ARHGAP44: variants seen among roughly 807,000 people sequenced by gnomAD.
ARHGAP44 encodes Rho GTPase activating protein 44.
In ARHGAP44, 43 loss-of-function variants were observed where a neutral mutation model predicts 106.8. The observed-to-expected ratio is 0.40, with a 90% CI of 0.32 to 0.52. The LOEUF is 0.52. ARHGAP44 is among the 20% of genes least tolerant of loss of function. The pLI is 0.48. For missense variants in ARHGAP44, 866 were observed against 1,050.5 expected (o/e 0.82, Z 2.43); for synonymous variants, 439 against 410.3 (o/e 1.07, Z -0.85).
intron 3 of ARHGAP44, among the ~76,000 whole-genome samples, chr17:12,901,155 C>T (rs2037365521): frequency 6.6e-6 from 1 of 151,944 alleles, no homozygotes; most frequent in Admixed American, 6.6e-5. Context: ...AACTCCTGAC[C>T]TCAGGTGATC....
rs768179975 is a variant in ARHGAP44, at chr17:12,974,143, C to A, written c.1596C>A (p.Ala532=). Reference sequence around the variant, plus strand: ...GGGTGGCTCGAAGAGGCTCCTCGGCCGGTCGGAAAGTGTCCTGCGCCCCGC... The same window carrying A: ...GGGTGGCTCGAAGAGGCTCCTCGGCAGGTCGGAAAGTGTCCTGCGCCCCGC... The part of the protein sequence containing the change: ...TNWVARRGSS[A]GRKVSCAPPS... The change falls in exon 18 of 21, where the codon GCC becomes GCA. Residue 532 remains alanine, a synonymous_variant. Coordinates refer to ENST00000379672, the MANE Select transcript of ARHGAP44 (RefSeq NM_014859.6). The A allele has an allele frequency of 2.6e-6, 4 of 1,564,126 alleles. No individual in the cohort carries two copies. In the African/African-American group the frequency reaches 5.4e-5, roughly 21 times the overall value.
chr17:12,896,619 C>A, intron 3 of ARHGAP44, 108 bp downstream of exon 3: 1 of 946,384 alleles, frequency 1.1e-6, no homozygotes, highest in Non-Finnish European at 1.6e-6. Context: ...GCTTACGTGC[C>A]TGAGAATTGA....
At position 12,974,190 on chromosome 17, in the gene ARHGAP44, C is replaced by T. The variant is rs777677354; in HGVS notation, c.1643C>T (p.Pro548Leu). The T allele has an allele frequency of 7.1e-6, 11 of 1,549,098 alleles. No individual in the cohort carries two copies. In the East Asian group the frequency reaches 1.2e-4, roughly 17 times the overall value. Residue 548 changes from proline to leucine, a missense_variant, in exon 18 of 21, where the codon CCG becomes CTG. By Grantham distance (98) the Pro-to-Leu change is moderately conservative. This residue lies in a region of ARHGAP44 where 418 missense variants were observed against 403.6 expected (regional missense o/e 1.04). Coordinates refer to ENST00000379672, the MANE Select transcript of ARHGAP44 (RefSeq NM_014859.6). The stretch of plus-strand genomic sequence containing the variant: ...CCGCCCTCCATGCAGCCTCCCGCCC[C>T]GCCCGCCGAGCTGGCTGCGCCCCTG... ...CAPPSMQPPA[P>L]PAELAAPLPS...
chr17:12,797,897 G>T (rs1265243556), intron 1 of ARHGAP44, among the ~76,000 whole-genome samples: 6 of 151,964 alleles, frequency 3.9e-5, no homozygotes, highest in Admixed American at 3.9e-4. Context: ...TGTCCATTTT[G>T]CTCCTGTACA....
chr17:12,895,777 A>G (rs1374970402), intron 2 of ARHGAP44, among the ~76,000 whole-genome samples: 1 of 152,196 alleles, frequency 6.6e-6, no homozygotes, highest in Non-Finnish European at 1.5e-5. Flanking sequence ...ATTATAAATC[A>G]TGCTGCTATA....
intron 7 of ARHGAP44, among the ~76,000 whole-genome samples, chr17:12,933,912 G>A (rs1336226031): frequency 1.3e-5 from 2 of 148,682 alleles, no homozygotes; most frequent in Admixed American, 6.8e-5. Context: ...GTGGTGGCAC[G>A]ATCTCGGCTC....
intron 1 of ARHGAP44, among the ~76,000 whole-genome samples, chr17:12,804,597 C>T (rs1426852791): frequency 6.6e-6 from 1 of 152,218 alleles, no homozygotes; most frequent in Non-Finnish European, 1.5e-5. Flanking sequence ...GATACCCATT[C>T]TTCAAACTAG....
At chr17:12,978,863 A>G (rs2039763523) in intron 18 of ARHGAP44, among the ~76,000 whole-genome samples, 1 of 151,804 alleles carries the variant, frequency 6.6e-6, no homozygotes, top group Non-Finnish European at 1.5e-5. Context: ...TAATTTTTGC[A>G]TTTTTAGTGT....
chr17:12,807,368 G>A (rs2150773698), intron 1 of ARHGAP44, among the ~76,000 whole-genome samples: 1 of 152,242 alleles, frequency 6.6e-6, no homozygotes, highest in South Asian at 2.1e-4. Flanking sequence ...AGATGTAGAG[G>A]ATGTATTTGT....
intron 1 of ARHGAP44, among the ~76,000 whole-genome samples, chr17:12,867,472 G>A (rs1024159745): frequency 6.6e-6 from 1 of 152,120 alleles, no homozygotes; most frequent in African/African-American, 2.4e-5. Context: ...AGGAAGCGGG[G>A]CAGGCTTCCC....
chr17:12,946,001 C>A (rs1243665248), intron 10 of ARHGAP44, among the ~76,000 whole-genome samples: 2 of 152,068 alleles, frequency 1.3e-5, no homozygotes, highest in Non-Finnish European at 2.9e-5. Context: ...TCAGGTAATC[C>A]GTCCACCTCG....
At chr17:12,886,084 T>G (rs891358358) in intron 1 of ARHGAP44, among the ~76,000 whole-genome samples, 8 of 152,196 alleles carry the variant, frequency 5.3e-5, no homozygotes, top group Admixed American at 3.3e-4. Context: ...CTGTAGCAAT[T>G]TGTTAGACTA....
Position 12,974,112 on chromosome 17 carries a change from C to G in ARHGAP44, c.1565C>G (p.Thr522Arg). Residue 522 changes from threonine (T) to arginine (R), a missense_variant, in exon 18 of 21, where the codon ACA becomes AGA. Coordinates refer to ENST00000379672, the MANE Select transcript of ARHGAP44 (RefSeq NM_014859.6). ...IQSMGVRVMD[T>R]NWVARRGSSA... ...AGCATGGGTGTGAGGGTCATGGACA[C>G]AAACTGGGTGGCTCGAAGAGGCTCC... 6.4e-7 allele frequency: 1 copy of G among 1,571,628 alleles called. No homozygotes were observed. Among genetic ancestry groups the G allele is most frequent in the South Asian group, 1.2e-5 (1 of 85,418 alleles).
intron 1 of ARHGAP44, among the ~76,000 whole-genome samples, chr17:12,868,591 T>TTATATATACATA (rs2036306023): frequency 2.1e-5 from 1 of 47,142 alleles, no homozygotes; most frequent in African/African-American, 6.5e-5. Context: ...TATATGCATT[T>TTATATATACATA]TATATATATA....
At chr17:12,931,042 T>C (rs1214330457) in intron 7 of ARHGAP44, among the ~76,000 whole-genome samples, 1 of 152,184 alleles carries the variant, frequency 6.6e-6, no homozygotes, top group Non-Finnish European at 1.5e-5. Context: ...TTTTTCTAGT[T>C]ATTTATATGT....
intron 16 of ARHGAP44, among the ~76,000 whole-genome samples, chr17:12,964,133 TTA>T (rs2143234131): frequency 6.6e-6 from 1 of 152,304 alleles, no homozygotes; most frequent in African/African-American, 2.4e-5. Context: ...TGGGTGCAGA[TTA>T]TGTTTTTAGT....
chr17:12,859,406 A>G (rs1374043021), intron 1 of ARHGAP44, among the ~76,000 whole-genome samples: 1 of 152,242 alleles, frequency 6.6e-6, no homozygotes, highest in Non-Finnish European at 1.5e-5. Flanking sequence ...GAACTAATAC[A>G]GGAGCCTTTT....
At chr17:12,922,640 A>G (rs1168151814) in intron 6 of ARHGAP44, among the ~76,000 whole-genome samples, 25 of 152,154 alleles carry the variant, frequency 1.6e-4, no homozygotes, top group Admixed American at 1.6e-3. Context: ...TGTCATTACC[A>G]TACATATTTT....
At chr17:12,813,166 C>G (rs2034488681) in intron 1 of ARHGAP44, among the ~76,000 whole-genome samples, 1 of 152,190 alleles carries the variant, frequency 6.6e-6, no homozygotes, top group South Asian at 2.1e-4. Flanking sequence ...ATCTCCTGCC[C>G]TGGGTGGGAG....
Sources: allele counts gnomAD v4.1 joint callset (sites outside exome capture counted in the v4.1 genomes callset), GRCh38; gene constraint gnomAD v4.1.1; regional missense constraint gnomAD v4.1.1; transcripts MANE v1.5; gene names NCBI Gene and HGNC (gene_info 2026-07-23, HGNC 2026-07-21).